The following FILIP1L variants were observed in gnomAD, a reference collection of about 807,000 sequenced individuals.
FILIP1L encodes filamin A-interacting protein 1-like.
In FILIP1L, 55 loss-of-function variants were observed where a neutral mutation model predicts 96.6. The observed-to-expected ratio is 0.57, with a 90% confidence interval of 0.46 to 0.71. The LOEUF (loss-of-function observed/expected upper bound fraction) is 0.71. FILIP1L is among the 30% of genes least tolerant of loss of function. The pLI, the probability that FILIP1L is intolerant of heterozygous loss-of-function variation, is 0.00. For synonymous variants in FILIP1L, 467 were observed against 473.9 expected (o/e 0.99, Z 0.19); for missense variants, 1,304 against 1,321.2 (o/e 0.99, Z 0.20).
intron 1 of FILIP1L, among the ~76,000 whole-genome samples, chr3:99,975,955 G>T (rs1402686769): frequency 4.6e-5 from 7 of 152,162 alleles, no homozygotes; most frequent in Admixed American, 2.0e-4. Flanking sequence ...CACCATCTTG[G>T]CTCACTGCAA....
chr3:100,026,993 T>C (rs2064935608), intron 1 of FILIP1L, among the ~76,000 whole-genome samples: 1 of 152,154 alleles, frequency 6.6e-6, no homozygotes, highest in Non-Finnish European at 1.5e-5. Flanking sequence ...TGCCAGCTCA[T>C]TTCCTCCTTG....
chr3:99,849,897 T>C lies in FILIP1L; in HGVS notation c.1779A>G (p.Gln593=). Residue 593 remains glutamine (Q), a synonymous_variant, in exon 5 of 6, where the codon CAA becomes CAG. Coordinates refer to ENST00000477258, the MANE Select transcript of FILIP1L (RefSeq NM_001387850.1). ...SRVNMLKNRL[Q]SLEAIEKDFL... is the part of the protein sequence containing the mutation. ...AATCTTTCTCAATTGCTTCCAATGA[T>C]TGAAGCCTATTTTTCAACATATTAA... is the stretch of plus-strand genomic sequence containing the variant. 1.2e-6 allele frequency: 2 copies of C among 1,612,150 alleles called. No homozygotes were observed. The highest frequency in any genetic ancestry group is 1.7e-6 in the Non-Finnish European group (2 of 1,179,696).
At position 100,071,107 on chromosome 3, in the gene FILIP1L, T is replaced by G. The variant is rs2065755281; in HGVS notation, c.-11+42946A>C. Among the ~76,000 whole-genome samples, 6 of 150,418 alleles carry G rather than the reference T, an allele frequency of 4.0e-5. No individual in the cohort carries two copies. The South Asian group carries it at 1.3e-3, about 31-fold the overall frequency. ...TACTCTCTCTTTTTTTTTTTTTTTT[T>G]TTTTGGATGGATTAGCATTTCCAAA... On this transcript the variant is annotated intron_variant, in intron 1 of 5. Transcript: ENST00000477258.
At chr3:100,061,170 G>A (rs2065559170) in intron 1 of FILIP1L, among the ~76,000 whole-genome samples, 1 of 152,036 alleles carries the variant, frequency 6.6e-6, no homozygotes, top group Non-Finnish European at 1.5e-5. Context: ...AAGGAAGGAA[G>A]GGTACAATTT....
At chr3:100,015,047 T>C (rs1177039905) in intron 1 of FILIP1L, among the ~76,000 whole-genome samples, 1 of 151,898 alleles carries the variant, frequency 6.6e-6, no homozygotes, top group Admixed American at 6.6e-5. Flanking sequence ...AAGGCTTTAA[T>C]CTATCTTGAG....
chr3:100,057,570 TC>T (rs750168693), intron 1 of FILIP1L, among the ~76,000 whole-genome samples: 1 of 152,140 alleles, frequency 6.6e-6, no homozygotes, highest in Non-Finnish European at 1.5e-5. Context: ...AAAAGTCTGC[TC>T]CCCTCCTGCA....
intron 1 of FILIP1L, among the ~76,000 whole-genome samples, chr3:100,059,808 G>A (rs1309937395): frequency 6.6e-6 from 1 of 152,130 alleles, no homozygotes; most frequent in Non-Finnish European, 1.5e-5. Context: ...CTGTGTGTAT[G>A]TATCATCTCC....
intron 5 of FILIP1L, among the ~76,000 whole-genome samples, chr3:99,841,323 A>T (rs1345675006): frequency 6.6e-6 from 1 of 152,242 alleles, no homozygotes; most frequent in African/African-American, 2.4e-5. Flanking sequence ...TTTCAGATAA[A>T]CTGGAGCTTT....
chr3:100,008,404 G>A lies in FILIP1L; in HGVS notation c.-10-77374C>T, dbSNP rs925090756. On this transcript the variant is annotated intron_variant, in intron 1 of 5. Coordinates refer to ENST00000477258, the MANE Select transcript of FILIP1L (RefSeq NM_001387850.1). ...CTAAAATTTTCCAAGATTTTCATAT[G>A]AGTTGCAGCCAGGGTACCCTTCATA... Among the ~76,000 whole-genome samples, 14 of 152,162 alleles carry A rather than the reference G, an allele frequency of 9.2e-5. 1 individual carries two copies. Among genetic ancestry groups the A allele is most frequent in the Admixed American group, 8.5e-4 (13 of 15,274 alleles).
intron 1 of FILIP1L, among the ~76,000 whole-genome samples, chr3:99,990,600 C>A (rs1052824124): frequency 9.9e-5 from 15 of 152,170 alleles, no homozygotes; most frequent in African/African-American, 3.6e-4. Context: ...AATACCAATT[C>A]TTGTGCTTCA....
intron 1 of FILIP1L, among the ~76,000 whole-genome samples, chr3:100,059,290 C>G (rs1175276440): frequency 6.6e-6 from 1 of 152,182 alleles, no homozygotes; most frequent in African/African-American, 2.4e-5. Context: ...TTATAAATCT[C>G]TGGCATTTGA....
chr3:99,900,369 T>C (rs1463290125), intron 4 of FILIP1L, among the ~76,000 whole-genome samples: 2 of 152,210 alleles, frequency 1.3e-5, no homozygotes, highest in Non-Finnish European at 2.9e-5. Flanking sequence ...ACCCTTTATA[T>C]TGATATAAAT....
intron 1 of FILIP1L, among the ~76,000 whole-genome samples, chr3:99,980,964 A>G (rs1020130291): frequency 1.1e-4 from 17 of 152,180 alleles, no homozygotes; most frequent in Admixed American, 1.0e-3. Flanking sequence ...GGACCCATTT[A>G]ACCAAATGAG....
At chr3:99,961,622 G>T (rs1039777788) in intron 1 of FILIP1L, among the ~76,000 whole-genome samples, 1 of 152,070 alleles carries the variant, frequency 6.6e-6, no homozygotes, top group Non-Finnish European at 1.5e-5. Context: ...AGCTGGAAAG[G>T]CTCCTGGGAA....
chr3:99,880,690 AT>A (rs971904178), intron 4 of FILIP1L, among the ~76,000 whole-genome samples: 203 of 152,056 alleles, frequency 1.3e-3, no homozygotes, highest in African/African-American at 4.0e-3. Context: ...TTAATTTAAA[AT>A]TTTTTTTATT....
At chr3:99,984,709 T>G (rs1026637986) in intron 1 of FILIP1L, among the ~76,000 whole-genome samples, 5 of 152,152 alleles carry the variant, frequency 3.3e-5, no homozygotes, top group Admixed American at 1.3e-4. Context: ...AATCCTAGCA[T>G]GTAGGAAGAT....
intron 1 of FILIP1L, among the ~76,000 whole-genome samples, chr3:100,027,060 C>A (rs1204128206): frequency 1.3e-5 from 2 of 152,120 alleles, no homozygotes; most frequent in African/African-American, 4.8e-5. Flanking sequence ...CCCATTCATC[C>A]CCTGCATCCC....
At chr3:100,089,149 A>C (rs914488062) in intron 1 of FILIP1L, among the ~76,000 whole-genome samples, 6 of 152,196 alleles carry the variant, frequency 3.9e-5, no homozygotes, top group African/African-American at 1.4e-4. Context: ...GTTAACATGA[A>C]GTGTCTAGAC....
At chr3:99,970,101 G>C (rs1460375957) in intron 1 of FILIP1L, among the ~76,000 whole-genome samples, 1 of 152,204 alleles carries the variant, frequency 6.6e-6, no homozygotes, top group East Asian at 1.9e-4. Context: ...TATAAAAATA[G>C]TAATTTCATA....
Sources: gnomAD v4.1 joint callset for allele counts (sites outside exome capture counted in the v4.1 genomes callset) on GRCh38, gnomAD v4.1.1 for gene constraint, MANE v1.5 for transcripts, NCBI Gene and HGNC (gene_info 2026-07-23, HGNC 2026-07-21) for gene names.